The following DNAH8 variants were observed in gnomAD, a reference collection of about 807,000 sequenced individuals.
The protein encoded by DNAH8 is dynein axonemal heavy chain 8, also known as axonemal beta dynein heavy chain 8.
A neutral mutation model predicts 562.1 loss-of-function variants in DNAH8; 382 were observed. The observed-to-expected ratio is 0.68, with a 90% CI of 0.63 to 0.74. The LOEUF is 0.74. Among genes scored for constraint, DNAH8 ranks in the 30% least tolerant of loss-of-function variants. The pLI, the probability that DNAH8 is intolerant of heterozygous loss-of-function variation, is 0.00. For missense variants in DNAH8, 5,203 were observed against 5,620.4 expected (o/e 0.93, Z 2.37); for synonymous variants, 1,881 against 1,919.4 (o/e 0.98, Z 0.52).
intron 88 of DNAH8, among the ~76,000 whole-genome samples, chr6:38,992,460 A>T (rs1764859880): frequency 6.6e-6 from 1 of 152,210 alleles, no homozygotes; most frequent in Non-Finnish European, 1.5e-5. Flanking sequence ...GAAGGATGTG[A>T]TCAATGAGGA....
chr6:38,862,747 G>A (rs1438974640), intron 44 of DNAH8, among the ~76,000 whole-genome samples: 1 of 152,096 alleles, frequency 6.6e-6, no homozygotes, highest in Non-Finnish European at 1.5e-5. Flanking sequence ...GATCAAAATA[G>A]CAAACAGGGG....
chr6:38,731,982 C>A (rs1763692400), intron 4 of DNAH8, among the ~76,000 whole-genome samples: 1 of 152,218 alleles, frequency 6.6e-6, no homozygotes, highest in Admixed American at 6.5e-5. Flanking sequence ...TTCCAAAGTG[C>A]TGAGATTATA....
rs1777943591 is a variant in DNAH8 at position 38,875,687 on chromosome 6, T to C, written c.7717T>C (p.Trp2573Arg). 1 of 1,613,814 alleles carries C rather than the reference T, an allele frequency of 6.2e-7. No individual in the cohort carries two copies. The highest frequency in any genetic ancestry group is 8.5e-7 in the Non-Finnish European group (1 of 1,179,870). ...TAAATTATTTGTGTTTGGCCTAATG[T>C]GGAGTTTAGGAGCCCTTCTGGAATT... ...LHKLFVFGLM[W>R]SLGALLELES... The change falls in exon 53 of 93, where the codon TGG becomes CGG. Residue 2573 changes from tryptophan (W) to arginine (R), a missense_variant. Physicochemically the swap from Trp to Arg is moderately radical, Grantham distance 101. Around this residue, in one of 6 missense-constraint regions of DNAH8, gnomAD observed 977 missense variants for 1,061.8 expected, o/e 0.92. Transcript: ENST00000327475.
intron 60 of DNAH8, among the ~76,000 whole-genome samples, chr6:38,896,429 G>T (rs1779694067): frequency 1.3e-5 from 2 of 151,764 alleles, no homozygotes; most frequent in Non-Finnish European, 2.9e-5. Flanking sequence ...AGAAAAATTA[G>T]TCGGGTGTGG....
intron 80 of DNAH8, among the ~76,000 whole-genome samples, chr6:38,949,126 C>A (rs143716088): frequency 6.6e-6 from 1 of 151,990 alleles, no homozygotes; most frequent in East Asian, 1.9e-4. Context: ...CAGCACCCCC[C>A]ACAAAAAAAA....
intron 12 of DNAH8, among the ~76,000 whole-genome samples, chr6:38,771,275 C>T (rs1767544051): frequency 6.6e-6 from 1 of 152,170 alleles, no homozygotes; most frequent in South Asian, 2.1e-4. Context: ...TAGTAACTTC[C>T]TGATCAAGCC....
intron 12 of DNAH8, among the ~76,000 whole-genome samples, chr6:38,770,895 G>C (rs1225438015): frequency 6.6e-6 from 1 of 152,210 alleles, no homozygotes; most frequent in African/African-American, 2.4e-5. Flanking sequence ...TGCAATGCCT[G>C]ATAGAAGTCA....
At chr6:38,882,547 C>T (rs1300577614) in intron 53 of DNAH8, among the ~76,000 whole-genome samples, 1 of 152,066 alleles carries the variant, frequency 6.6e-6, no homozygotes, top group Non-Finnish European at 1.5e-5. Context: ...ACAACAGACA[C>T]TGGGGCCTAC....
At chr6:38,831,417 T>G in intron 30 of DNAH8, among the ~76,000 whole-genome samples, 1 of 115,748 alleles carries the variant, frequency 8.6e-6, no homozygotes, top group Admixed American at 1.3e-4. Context: ...GGTGACAGAG[T>G]GAGACACCAT....
At chr6:38,916,425 T>A (rs1781319053) in intron 68 of DNAH8, among the ~76,000 whole-genome samples, 1 of 152,204 alleles carries the variant, frequency 6.6e-6, no homozygotes, top group Admixed American at 6.5e-5. Context: ...CATGCTTCTG[T>A]CATGGCAGAA....
intron 82 of DNAH8, among the ~76,000 whole-genome samples, chr6:38,960,661 A>G (rs768840703): frequency 6.6e-6 from 1 of 152,040 alleles, no homozygotes; most frequent in Non-Finnish European, 1.5e-5. Context: ...ACCTTCATAC[A>G]GTATTGGTAG....
intron 76 of DNAH8, among the ~76,000 whole-genome samples, chr6:38,935,060 G>A (rs1782841092): frequency 6.6e-6 from 1 of 152,196 alleles, no homozygotes. Context: ...CTCTGTAGAA[G>A]GAGATACAAA....
chr6:38,715,956 A>ATTTTTTTTTT (rs1562521493), intron 1 of DNAH8, among the ~76,000 whole-genome samples: 12 of 27,016 alleles, frequency 4.4e-4, no homozygotes, highest in African/African-American at 1.4e-3. Context: ...ATATATATAT[A>ATTTTTTTTTT]TATATTTTTT....
chr6:38,879,877 TAA>T (rs1162435439), intron 53 of DNAH8, among the ~76,000 whole-genome samples: 20 of 152,198 alleles, frequency 1.3e-4, no homozygotes, highest in African/African-American at 4.8e-4. Context: ...ATACATTTGA[TAA>T]GTTATATTTC....
intron 54 of DNAH8, 37 bp downstream of exon 54, chr6:38,883,089 C>A (rs763643381): frequency 1.3e-6 from 2 of 1,510,534 alleles, no homozygotes; most frequent in Admixed American, 2.2e-5. Context: ...TGATCACAAA[C>A]CATCCATGGC....
chr6:38,936,557 A>C (rs1221302620), intron 77 of DNAH8, among the ~76,000 whole-genome samples: 2 of 152,182 alleles, frequency 1.3e-5, no homozygotes, highest in African/African-American at 4.8e-5. Context: ...AACAAGTCTG[A>C]CCTTCCAGAA....
At chr6:38,813,620 G>C (rs2150317146) in intron 24 of DNAH8, among the ~76,000 whole-genome samples, 1 of 152,276 alleles carries the variant, frequency 6.6e-6, no homozygotes, top group Middle Eastern at 3.4e-3. Flanking sequence ...CTGTGCTGCT[G>C]TCTGTGCATG....
chr6:38,957,052 C>T (rs779432513), intron 82 of DNAH8, among the ~76,000 whole-genome samples: 4 of 152,108 alleles, frequency 2.6e-5, no homozygotes, highest in East Asian at 3.9e-4. Flanking sequence ...ACTCATTTTA[C>T]CTGGAAGGAT....
intron 30 of DNAH8, among the ~76,000 whole-genome samples, chr6:38,829,261 A>G (rs1022947573): frequency 6.6e-6 from 1 of 152,088 alleles, no homozygotes; most frequent in Non-Finnish European, 1.5e-5. Context: ...TGTGATTTGC[A>G]AATGTTTTCT....
Sources: allele counts gnomAD v4.1 joint callset (sites outside exome capture counted in the v4.1 genomes callset), GRCh38; gene constraint gnomAD v4.1.1; regional missense constraint gnomAD v4.1.1; transcripts MANE v1.5; gene names NCBI Gene and HGNC (gene_info 2026-07-23, HGNC 2026-07-21).